SPTBN4: variants seen among roughly 807,000 people sequenced by gnomAD.
SPTBN4 encodes the protein spectrin beta chain, non-erythrocytic 4.
A neutral mutation model predicts 277.8 loss-of-function variants in SPTBN4; 96 were observed. That is an observed-to-expected ratio of 0.35 (90% confidence interval 0.29 to 0.41). The LOEUF is 0.41. Ranked by LOEUF, SPTBN4 falls within the 10% of genes least tolerant of loss-of-function variation. SPTBN4 has a pLI of 1.00. For synonymous variants in SPTBN4, 1,481 were observed against 1,580.3 expected (o/e 0.94, Z 1.49); for missense variants, 3,006 against 3,595.7 (o/e 0.84, Z 4.19).
intron 16 of SPTBN4, among the ~76,000 whole-genome samples, chr19:40,521,368 A>ATGTT (rs2080524743): frequency 6.6e-6 from 1 of 152,218 alleles, no homozygotes; most frequent in Non-Finnish European, 1.5e-5. Flanking sequence ...ATTACATTAT[A>ATGTT]ACATATAATG....
Position 40,532,629 on chromosome 19 carries a change from A to T in SPTBN4, c.3953A>T (p.Asp1318Val), listed in dbSNP as rs770138870. Residue 1318 changes from aspartate to valine, a missense_variant, in exon 19 of 36, where the codon GAT (aspartate) becomes GTT (valine). Asp to Val is a radical substitution (Grantham distance 152, BLOSUM62 -3). Transcript: ENST00000598249. ...CTCCTGCCCTGTTCTGCACAGCTGG[A>T]TGGCTGGATCCATGAGAAGATGCTG... The part of the protein sequence containing the change: ...QHFLRDCHEL[D>V]GWIHEKMLMA... 6.8e-6 allele frequency: 11 copies of T among 1,612,896 alleles called. No homozygotes were observed. The highest frequency in any genetic ancestry group is 8.5e-6 in the Non-Finnish European group (10 of 1,179,368).
chr19:40,549,093 G>A, intron 20 of SPTBN4, 96 bp from the exon 21 acceptor site: 2 of 1,027,144 alleles, frequency 1.9e-6, no homozygotes, highest in Non-Finnish European at 2.8e-6. Context: ...GGTGGGCCGC[G>A]GTGAGGGGTC....
At chr19:40,539,361 G>A (rs1322085221) in intron 20 of SPTBN4, among the ~76,000 whole-genome samples, 1 of 152,256 alleles carries the variant, frequency 6.6e-6, no homozygotes, top group Non-Finnish European at 1.5e-5. Context: ...GTGGGAAGCA[G>A]CAGAGCATCT....
chr19:40,508,826 G>C (rs2080358386), intron 13 of SPTBN4, among the ~76,000 whole-genome samples: 1 of 152,002 alleles, frequency 6.6e-6, no homozygotes, highest in African/African-American at 2.4e-5. Context: ...CTAGGTGATT[G>C]GGGGTCTTAA....
In SPTBN4 at chr19:40,500,092, C is replaced by T. The variant is rs1165830636; in HGVS notation, c.785-1829C>T. On this transcript the variant is annotated intron_variant, in intron 7 of 35. Coordinates refer to ENST00000598249, the MANE Select transcript of SPTBN4 (RefSeq NM_020971.3). The stretch of plus-strand genomic sequence containing the variant: ...ATCCCATATCTACAAACCTGTAGTC[C>T]CAGCTACACAGGAGGCCAAGGCAGG... Among the ~76,000 whole-genome samples the T allele has an allele frequency of 3.8e-5, 3 of 79,002 alleles. 1 individual carries two copies. Among genetic ancestry groups the T allele is most frequent in the Non-Finnish European group, 7.7e-5 (3 of 38,876 alleles). 51.8% of individuals were successfully genotyped at this position (79,002 alleles called of 152,430 possible). A position where few individuals can be genotyped will look rare whatever the true frequency, so the allele number is the denominator to read the frequency against.
Position 40,567,931 on chromosome 19 carries a change from T to C in SPTBN4, c.6605T>C (p.Val2202Ala). ...IDRLPEIPGRVEPAALPAAPE... is the reference protein window; with the variant it reads ...IDRLPEIPGRAEPAALPAAPE... ...CGGCTGCCGGAGATCCCGGGGAGGG[T>C]GGAGCCCGCGGCCCTGCCGGCCGCA... is the stretch of plus-strand genomic sequence containing the variant. Residue 2202 changes from valine to alanine, a missense_variant, in exon 31 of 36, where the codon GTG becomes GCG. Coordinates refer to ENST00000598249, the MANE Select transcript of SPTBN4 (RefSeq NM_020971.3). The C allele has an allele frequency of 6.6e-7, 1 of 1,516,832 alleles. No homozygotes were observed. Among genetic ancestry groups the C allele is most frequent in the African/African-American group, 1.5e-5 (1 of 68,804 alleles). The allele number at this position is 1,516,832 out of a possible 1,614,324, so 94.0% of individuals were successfully genotyped here. A position where few individuals can be genotyped will look rare whatever the true frequency, so the allele number is the denominator to read the frequency against.
Position 40,568,139 on chromosome 19 carries a change from G to C in SPTBN4, c.6813G>C (p.Glu2271Asp), listed in dbSNP as rs1421442573. The stretch of plus-strand genomic sequence containing the variant: ...GGAGGCGGCGGCCGGAGCGGCAGGA[G>C]TCAGCGGAGCACGAGGCGGCACACA... ...AARRRRPERQ[E>D]SAEHEAAHSL... Residue 2271 changes from glutamate to aspartate, a missense_variant, in exon 31 of 36, where the codon GAG (glutamate) becomes GAC (aspartate). Glu to Asp is a conservative substitution (Grantham distance 45). Around this residue, in one of 5 missense-constraint regions of SPTBN4, gnomAD observed 630 missense variants for 677.6 expected, o/e 0.93. Transcript: ENST00000598249. 1 of 1,577,676 alleles carries C rather than the reference G, an allele frequency of 6.3e-7. No individual in the cohort carries two copies. The highest frequency in any genetic ancestry group is 1.2e-5 in the South Asian group (1 of 86,622).
Position 40,538,063 on chromosome 19 carries a change from T to C in SPTBN4, c.4359+3720T>C, listed in dbSNP as rs564293330. On this transcript the variant is annotated intron_variant, in intron 20 of 35. Transcript: ENST00000598249. ...GTTATTGGAACTTGGAAGGGGAGAG[T>C]TGCCAGACAGGAGCTGGCACTCTTA... Among the ~76,000 whole-genome samples the C allele has an allele frequency of 2.0e-5, 3 of 151,172 alleles. No homozygotes were observed. In the East Asian group the frequency reaches 5.8e-4, roughly 29 times the overall value.
intron 12 of SPTBN4, among the ~76,000 whole-genome samples, chr19:40,505,739 GAAGGAAGGAAGGAAGA>G (rs1293948024): frequency 9.9e-5 from 15 of 150,874 alleles, no homozygotes; most frequent in Admixed American, 3.3e-4. Context: ...AGGAAGGAAG[GAAGGAAGGAAGGAAGA>G]AAGAAAGGTG....
intron 20 of SPTBN4, among the ~76,000 whole-genome samples, chr19:40,538,390 C>CAAA (rs1233852253): frequency 1.9e-5 from 2 of 105,126 alleles, no homozygotes; most frequent in Non-Finnish European, 4.0e-5. Context: ...GACTCTGTCT[C>CAAA]AAAAAAAAAA....
rs1262210320 is a variant in SPTBN4, at chr19:40,502,187, T to G, written c.957T>G (p.Ala319=). The G allele has an allele frequency of 6.2e-7, 1 of 1,614,006 alleles. No individual in the cohort carries two copies. The highest frequency in any genetic ancestry group is 1.3e-5 in the African/African-American group (1 of 74,940). ...KIIERYEELA[A]ELLAWIHRTV... is the part of the protein sequence containing the mutation. ...TAGAACGCTACGAGGAGCTGGCGGC[T>G]GAGCTGCTGGCCTGGATCCACCGCA... The change falls in exon 9 of 36, where the codon GCT becomes GCG. Residue 319 remains alanine, a synonymous_variant. Transcript: ENST00000598249. This position sits in a 1 kb window ranked among gnomAD's most constrained non-coding sequence, Gnocchi z 4.9.
At chr19:40,555,076 G>C in intron 24 of SPTBN4, 1 of 178,516 alleles carries the variant, frequency 5.6e-6, no homozygotes, top group Non-Finnish European at 1.2e-5. Flanking sequence ...TGAGCTCCAG[G>C]CCTGGACCAG....
At chr19:40,545,935 T>C (rs562790812) in intron 20 of SPTBN4, among the ~76,000 whole-genome samples, 1 of 150,808 alleles carries the variant, frequency 6.6e-6, no homozygotes, top group African/African-American at 2.4e-5. Context: ...CCCAGCTACT[T>C]GGGAGGCTGA....
intron 18 of SPTBN4, among the ~76,000 whole-genome samples, 195 bp downstream of exon 18, chr19:40,529,326 C>T (rs1024862869): frequency 6.6e-6 from 1 of 152,206 alleles, no homozygotes; most frequent in African/African-American, 2.4e-5. Flanking sequence ...CACGCCGACT[C>T]CGGGAAACGA....
Position 40,515,577 on chromosome 19 carries a change from G to C in SPTBN4, c.2903+129G>C. On this transcript the variant is annotated intron_variant, in intron 15 of 35. Coordinates refer to ENST00000598249, the MANE Select transcript of SPTBN4 (RefSeq NM_020971.3). The surrounding 1 kb of genome is among the most constrained non-coding windows in gnomAD (Gnocchi z 4.1). ...CCACCCGATAAATCAACAAAATGTT[G>C]ACCAAAAATCATAATCCCTGATACT... is the stretch of plus-strand genomic sequence containing the variant. 1 of 1,159,586 alleles carries C rather than the reference G, an allele frequency of 8.6e-7. No individual in the cohort carries two copies. The highest frequency in any genetic ancestry group is 1.2e-6 in the Non-Finnish European group (1 of 869,316). 71.8% of individuals were successfully genotyped at this position (1,159,586 alleles called of 1,614,324 possible).
rs1327030779 is a variant in SPTBN4, at chr19:40,549,506, A to G, written c.4584+93A>G. On this transcript the variant is annotated intron_variant, in intron 21 of 35. Transcript: ENST00000598249. ...GCGGGGCTGAAGATGGAGACGGCTG[A>G]GACCCTCCCACTCATACGCTGAAAG... 4 of 1,029,686 alleles carry G rather than the reference A, an allele frequency of 3.9e-6. No individual in the cohort carries two copies. The African/African-American group carries it at 6.8e-5, about 18-fold the overall frequency. The allele number at this position is 1,029,686 out of a possible 1,614,324, so 63.8% of individuals were successfully genotyped here. A position where few individuals can be genotyped will look rare whatever the true frequency, so the allele number is the denominator to read the frequency against.
At chr19:40,509,006 A>G (rs903317531) in intron 13 of SPTBN4, among the ~76,000 whole-genome samples, 3 of 142,792 alleles carry the variant, frequency 2.1e-5, no homozygotes, top group African/African-American at 7.9e-5. Context: ...GTTTTGTCCT[A>G]CTCCATCGTG....
intron 18 of SPTBN4, chr19:40,530,438 G>T: frequency 1.1e-6 from 1 of 936,544 alleles, no homozygotes; most frequent in Non-Finnish European, 1.3e-6. Flanking sequence ...GCGCACGCGG[G>T]CGGGCGCGCG....
chr19:40,555,944 C>T (rs887240632), intron 24 of SPTBN4, 140 bp from the exon 25 acceptor site: 1 of 710,076 alleles, frequency 1.4e-6, no homozygotes, highest in African/African-American at 1.8e-5. Flanking sequence ...GAAAAGAAAA[C>T]AGAGCTCTAC....
Sources: gnomAD v4.1 joint callset for allele counts (sites outside exome capture counted in the v4.1 genomes callset) on GRCh38, gnomAD v4.1.1 for gene constraint, gnomAD v4.1.1 regional missense constraint, Gnocchi (gnomAD v3.1) non-coding constraint, MANE v1.5 for transcripts, NCBI Gene and HGNC (gene_info 2026-07-23, HGNC 2026-07-21) for gene names.